SAXO5: variants seen among roughly 807,000 people sequenced by gnomAD.
SAXO5 encodes testis expressed 45.
the SAXO5 span, chr19:7,505,733 A>G: frequency 9.0e-7 from 1 of 1,113,834 alleles, no homozygotes; most frequent in Non-Finnish European, 1.3e-6. Flanking sequence ...GTATGCAGGA[A>G]TCTCCTGGAT....
the SAXO5 span, chr19:7,506,916 T>A: frequency 1.6e-6 from 1 of 624,874 alleles, no homozygotes; most frequent in African/African-American, 1.9e-5. Flanking sequence ...CTCCCCCCTC[T>A]CCTAATCCAT....
the SAXO5 span, chr19:7,499,946 G>GTGTGTGTGTGTGTGTGTGTA: frequency 3.7e-3 from 558 of 150,786 alleles, 4 homozygotes; most frequent in African/African-American, 0.013. Flanking sequence ...GTGTGTGTGT[G>GTGTGTGTGTGTGTGTGTGTA]TGTGTGTGTG....
At chr19:7,503,299 G>A in the SAXO5 span, among the ~76,000 whole-genome samples, 1 of 151,974 alleles carries the variant, frequency 6.6e-6, no homozygotes, top group Non-Finnish European at 1.5e-5. Context: ...CCTGGGAGGA[G>A]CAGGTTGCAG....
chr19:7,505,908 C>T, the SAXO5 span: 3 of 1,509,228 alleles, frequency 2.0e-6, no homozygotes, highest in Non-Finnish European at 2.7e-6. Flanking sequence ...TCCCTCCCCC[C>T]CGGGCCCGGG....
chr19:7,508,092 C>A, the SAXO5 span: 1 of 795,788 alleles, frequency 1.3e-6, no homozygotes, highest in East Asian at 2.7e-5. Flanking sequence ...ACCAGCTAGC[C>A]TGCCCTGCCT....
chr19:7,508,060 G>A, the SAXO5 span: 1 of 639,572 alleles, frequency 1.6e-6, no homozygotes, highest in Non-Finnish European at 2.7e-6. Context: ...ATCCTCCTTG[G>A]TCAGACACTG....
At chr19:7,506,178 G>A in the SAXO5 span, 1 of 1,556,588 alleles carries the variant, frequency 6.4e-7, no homozygotes, top group Non-Finnish European at 8.7e-7. Context: ...GAGCGCTCCC[G>A]GGAAGCCCCG....
the SAXO5 span, chr19:7,499,870 A>G: frequency 1.3e-5 from 2 of 152,110 alleles, no homozygotes; most frequent in Middle Eastern, 6.8e-3. Context: ...CCAGATGCTC[A>G]GAAGACTGAG....
chr19:7,507,341 G>C, the SAXO5 span, among the ~76,000 whole-genome samples: 8 of 152,262 alleles, frequency 5.3e-5, no homozygotes, highest in African/African-American at 1.9e-4. Context: ...CCAGCGCTTT[G>C]GGAGGCCGAA....
chr19:7,503,607 C>T, the SAXO5 span, among the ~76,000 whole-genome samples: 1 of 152,166 alleles, frequency 6.6e-6, no homozygotes, highest in African/African-American at 2.4e-5. Context: ...GTCTCAGTCT[C>T]CTGAGTAGCT....
At chr19:7,501,682 G>T in the SAXO5 span, among the ~76,000 whole-genome samples, 1 of 151,744 alleles carries the variant, frequency 6.6e-6, no homozygotes, top group Non-Finnish European at 1.5e-5. Context: ...TTAGTAGGGC[G>T]CGGTGAAGGG....
the SAXO5 span, chr19:7,501,219 G>T: frequency 6.5e-7 from 1 of 1,547,800 alleles, no homozygotes. Flanking sequence ...CGCCGCCTAC[G>T]GCTGGCCCGA....
At chr19:7,504,031 G>A in the SAXO5 span, 3 of 927,144 alleles carry the variant, frequency 3.2e-6, no homozygotes, top group Non-Finnish European at 5.1e-6. Flanking sequence ...CCCTTCCCAG[G>A]CAAGAAATAG....
At chr19:7,504,202 C>T in the SAXO5 span, 3 of 1,614,134 alleles carry the variant, frequency 1.9e-6, no homozygotes, top group African/African-American at 1.3e-5. Flanking sequence ...CTGCCAGGCC[C>T]ACCTGCCTTG....
chr19:7,506,218 ACCCCCGAAAGCCCCG>A, the SAXO5 span: 5 of 1,060,106 alleles, frequency 4.7e-6, no homozygotes, highest in Middle Eastern at 3.5e-4. Context: ...GGGAAGCCCC[ACCCCCGAAAGCCCCG>A]CCCCCATGGA....
chr19:7,506,223 C>CG, the SAXO5 span: 2 of 1,311,486 alleles, frequency 1.5e-6, no homozygotes, highest in Non-Finnish European at 1.0e-6. Context: ...GCCCCACCCC[C>CG]GAAAGCCCCG....
At chr19:7,505,649 C>G in the SAXO5 span, 1 of 1,607,420 alleles carries the variant, frequency 6.2e-7, no homozygotes. Context: ...AGCGAAAAGG[C>G]GGCAGGGAAA....
the SAXO5 span, chr19:7,506,933 C>A: frequency 4.2e-6 from 3 of 722,422 alleles, no homozygotes; most frequent in Non-Finnish European, 7.2e-6. Flanking sequence ...CCATTTTTCT[C>A]CCCTGGTCAA....
At chr19:7,501,592 CG>C in the SAXO5 span, among the ~76,000 whole-genome samples, 134 of 151,912 alleles carry the variant, frequency 8.8e-4, no homozygotes, top group Middle Eastern at 3.4e-3. Context: ...GAGTTGGAGG[CG>C]GGGGGATCGC....
Sources: gnomAD v4.1 joint callset for allele counts (sites outside exome capture counted in the v4.1 genomes callset) on GRCh38, gnomAD v4.1.1 for gene constraint, MANE v1.5 for transcripts, NCBI Gene and HGNC (gene_info 2026-07-23, HGNC 2026-07-21) for gene names.